The following GLIS3 variants were observed in gnomAD, a reference collection of about 807,000 sequenced individuals.
GLIS3 encodes the protein GLIS family zinc finger 3.
A neutral mutation model predicts 78.6 loss-of-function variants in GLIS3; 53 were observed. The ratio of observed to expected loss-of-function variants is 0.67; its 90% CI spans 0.54 to 0.85. The LOEUF is 0.85. GLIS3 is among the 40% of genes least tolerant of loss of function. GLIS3 has a pLI of 0.00. For missense variants in GLIS3, 1,703 were observed against 1,231.1 expected, an observed-to-expected ratio of 1.38 and a Z score of -5.74; for synonymous variants, 684 against 509.9, an observed-to-expected ratio of 1.34 and a Z score of -4.60.
chr9:4,205,043 G>C (rs1195578200), intron 2 of GLIS3, among the ~76,000 whole-genome samples: 4 of 151,204 alleles, frequency 2.6e-5, no homozygotes, highest in Non-Finnish European at 2.9e-5. Context: ...GGGCGTGGTG[G>C]TTCACACCTG....
chr9:4,450,886 T>C, the GLIS3 span, among the ~76,000 whole-genome samples: 1 of 152,280 alleles, frequency 6.6e-6, no homozygotes, highest in East Asian at 1.9e-4. Flanking sequence ...TACCAGACAC[T>C]GCAAAAACGT....
intron 4 of GLIS3, among the ~76,000 whole-genome samples, chr9:4,000,249 G>C (rs987145707): frequency 2.2e-4 from 34 of 152,248 alleles, no homozygotes; most frequent in African/African-American, 7.9e-4. Flanking sequence ...TATTTAGTAG[G>C]ATCCTATTAT....
intron 2 of GLIS3, among the ~76,000 whole-genome samples, chr9:4,239,023 T>A (rs936502104): frequency 2.0e-5 from 3 of 152,008 alleles, no homozygotes; most frequent in Non-Finnish European, 4.4e-5. Context: ...GAACTCATCA[T>A]TTTTTATGGC....
Position 4,043,122 on chromosome 9 carries a change from C to A in GLIS3, c.1710+74646G>T, listed in dbSNP as rs149236315. Among the ~76,000 whole-genome samples the A allele has an allele frequency of 3.1e-3, 477 of 152,304 alleles. 3 individuals are homozygous for A. Among genetic ancestry groups the A allele is most frequent in the Non-Finnish European group, 5.1e-3 (350 of 68,022 alleles). ...CTGCATTCACAGCTTCCCAGCCCCT[C>A]CCCTTCCCACAGCCCCACTCAAGGT... On this transcript the variant is annotated intron_variant, in intron 4 of 10. Coordinates refer to ENST00000381971, the MANE Select transcript of GLIS3 (RefSeq NM_001042413.2).
intron 2 of GLIS3, among the ~76,000 whole-genome samples, chr9:4,341,345 C>G (rs1817831825): frequency 6.6e-6 from 1 of 152,232 alleles, no homozygotes; most frequent in Admixed American, 6.5e-5. Context: ...TTGTAGTTAT[C>G]AGGCAACATC....
At chr9:4,159,931 T>C (rs1227768365) in intron 2 of GLIS3, among the ~76,000 whole-genome samples, 1 of 152,150 alleles carries the variant, frequency 6.6e-6, no homozygotes, top group Non-Finnish European at 1.5e-5. Flanking sequence ...ATTTATACAG[T>C]ATTTCAACTC....
the GLIS3 span, among the ~76,000 whole-genome samples, chr9:4,466,545 T>C: frequency 6.6e-6 from 1 of 152,148 alleles, no homozygotes; most frequent in Non-Finnish European, 1.5e-5. Context: ...TTTTTAAATG[T>C]TAGCAAATTT....
chr9:4,448,580 T>C, the GLIS3 span, among the ~76,000 whole-genome samples: 6 of 152,366 alleles, frequency 3.9e-5, no homozygotes, highest in East Asian at 9.6e-4. Context: ...CAGCTTCTTG[T>C]GGGCATGCTG....
chr9:3,906,081 T>G (rs1823677137), intron 6 of GLIS3, among the ~76,000 whole-genome samples: 1 of 151,590 alleles, frequency 6.6e-6, no homozygotes, highest in African/African-American at 2.4e-5. Context: ...TGGAGAGGAG[T>G]GAGCAAGGGA....
intron 2 of GLIS3, among the ~76,000 whole-genome samples, chr9:4,219,709 T>A (rs1408977227): frequency 2.6e-5 from 4 of 152,184 alleles, no homozygotes; most frequent in Non-Finnish European, 5.9e-5. Context: ...TACCTTTTTT[T>A]AAAAAACCCA....
At chr9:4,341,440 G>C (rs765589696) in intron 2 of GLIS3, among the ~76,000 whole-genome samples, 1 of 152,184 alleles carries the variant, frequency 6.6e-6, no homozygotes, top group Non-Finnish European at 1.5e-5. Context: ...TCACCATTGT[G>C]AAGACTTGTC....
the GLIS3 span, among the ~76,000 whole-genome samples, chr9:4,395,762 C>CTT: frequency 7.2e-6 from 1 of 138,190 alleles, no homozygotes; most frequent in African/African-American, 3.3e-5. Flanking sequence ...TCACCATTTT[C>CTT]TTTTTTCTTT....
the GLIS3 span, among the ~76,000 whole-genome samples, chr9:4,370,215 CA>C: frequency 1.4e-5 from 2 of 138,808 alleles, no homozygotes; most frequent in Non-Finnish European, 3.2e-5. Context: ...AACCAAAAAA[CA>C]AAAAACAATA....
intron 4 of GLIS3, among the ~76,000 whole-genome samples, chr9:3,998,934 T>C (rs1476060597): frequency 1.3e-5 from 2 of 152,014 alleles, no homozygotes; most frequent in African/African-American, 4.8e-5. Flanking sequence ...TTATCTATCC[T>C]GTACTTCTTT....
At position 4,341,071 on chromosome 9, in the gene GLIS3, C is replaced by G. The variant is rs141228043; in HGVS notation, n.264+6010G>C. ...CTGCAAGTCTTTCTTCCCTCTAATCCAAATGATCTGTTATCTCTTCTGGTC... is the reference window on the plus strand; with the variant it reads ...CTGCAAGTCTTTCTTCCCTCTAATCGAAATGATCTGTTATCTCTTCTGGTC... On this transcript the variant is annotated intron_variant and non_coding_transcript_variant, in intron 2 of 4. Transcript: ENST00000471664. 3.7e-4 allele frequency among the ~76,000 whole-genome samples: 57 copies of G among 152,306 alleles called. 1 individual carries two copies. The highest frequency in any genetic ancestry group is 1.3e-3 in the African/African-American group (55 of 41,576).
chr9:4,298,406 G>A (rs1816789381), intron 1 of GLIS3: 1 of 456,168 alleles, frequency 2.2e-6, no homozygotes, highest in Non-Finnish European at 4.4e-6. Flanking sequence ...TCCATAGGAT[G>A]ACAAATCAGC....
At chr9:4,370,524 G>C in the GLIS3 span, among the ~76,000 whole-genome samples, 4 of 152,078 alleles carry the variant, frequency 2.6e-5, no homozygotes, top group Non-Finnish European at 1.5e-5. Context: ...AGACCTTTGA[G>C]GATTTGGATT....
intron 4 of GLIS3, among the ~76,000 whole-genome samples, chr9:3,962,268 G>T (rs1051327355): frequency 6.6e-6 from 1 of 151,816 alleles, no homozygotes; most frequent in African/African-American, 2.4e-5. Flanking sequence ...AAGAACTTTT[G>T]TTCTTTTCTT....
intron 4 of GLIS3, among the ~76,000 whole-genome samples, chr9:4,076,034 T>C (rs1018191632): frequency 1.3e-5 from 2 of 152,230 alleles, no homozygotes; most frequent in African/African-American, 2.4e-5. Context: ...ATGTTCCATA[T>C]ATTGACTGTG....
Sources: allele counts gnomAD v4.1 joint callset (sites outside exome capture counted in the v4.1 genomes callset), GRCh38; gene constraint gnomAD v4.1.1; transcripts MANE v1.5; gene names NCBI Gene and HGNC (gene_info 2026-07-23, HGNC 2026-07-21).